The following TTLL9 variants were observed in gnomAD, a reference collection of about 807,000 sequenced individuals.
TTLL9 encodes tubulin tyrosine ligase like 9, also known as probable tubulin polyglutamylase TTLL9.
TTLL9 carries 47 observed loss-of-function variants against 65.6 expected under a neutral mutation model. The observed-to-expected ratio is 0.72, with a 90% CI of 0.57 to 0.91. The LOEUF is 0.91. Ranked by LOEUF, TTLL9 falls within the 40% of genes least tolerant of loss-of-function variation. The pLI is 0.00. For missense variants in TTLL9, 537 were observed against 568.8 expected (o/e 0.94, Z 0.57); for synonymous variants, 179 against 204.8 (o/e 0.87, Z 1.07).
chr20:31,883,738 A>G (rs894448129), intron 2 of TTLL9, among the ~76,000 whole-genome samples: 4 of 152,146 alleles, frequency 2.6e-5, no homozygotes, highest in Non-Finnish European at 4.4e-5. Context: ...TTAAAAAAAA[A>G]AGCCTGTTCA....
Position 31,925,512 on chromosome 20 carries a change from G to A in TTLL9, c.705+463G>A, listed in dbSNP as rs141475173. ...CAAATCCAGGCAGCCTGGCCTCAGAGCCTACTCTTTTAACCAGGGAGTGGC... is the reference window on the plus strand; with the variant it reads ...CAAATCCAGGCAGCCTGGCCTCAGAACCTACTCTTTTAACCAGGGAGTGGC... On this transcript the variant is annotated intron_variant, in intron 9 of 14. Coordinates refer to ENST00000535842, the MANE Select transcript of TTLL9 (RefSeq NM_001008409.5). Among the ~76,000 whole-genome samples the A allele has an allele frequency of 7.9e-5, 12 of 152,276 alleles. No homozygotes were observed. The East Asian group carries it at 2.3e-3, about 29-fold the overall frequency.
intron 4 of TTLL9, among the ~76,000 whole-genome samples, chr20:31,903,620 G>T (rs1364411639): frequency 6.6e-6 from 1 of 152,066 alleles, no homozygotes; most frequent in African/African-American, 2.4e-5. Context: ...CTTACATCTA[G>T]ATCTTCGATT....
rs538684344 is a variant in TTLL9, at chr20:31,920,910, A to G, written c.573+978A>G. ...CCCTTGTCTTTGAGTGAAGGGGACA[A>G]TAGGTGGGAGAGGTGTTTGCAACCT... On this transcript the variant is annotated intron_variant, in intron 7 of 14. Coordinates refer to ENST00000535842, the MANE Select transcript of TTLL9 (RefSeq NM_001008409.5). Among the ~76,000 whole-genome samples, 298 of 152,336 alleles carry G rather than the reference A, an allele frequency of 2.0e-3. 1 individual carries two copies. The highest frequency in any genetic ancestry group is 7.0e-3 in the African/African-American group (292 of 41,586).
intron 11 of TTLL9, 126 bp from the exon 12 acceptor site, chr20:31,934,566 G>T: frequency 2.3e-6 from 2 of 863,098 alleles, no homozygotes; most frequent in Non-Finnish European, 3.5e-6. Flanking sequence ...CTAATTACAG[G>T]GCTCAGGGCT....
At chr20:31,896,809 C>T (rs1399389514) in intron 3 of TTLL9, among the ~76,000 whole-genome samples, 1 of 152,178 alleles carries the variant, frequency 6.6e-6, no homozygotes, top group Non-Finnish European at 1.5e-5. Context: ...GGATTACAGG[C>T]GTGAGACACC....
intron 2 of TTLL9, among the ~76,000 whole-genome samples, chr20:31,884,649 G>A (rs2063163995): frequency 6.6e-6 from 1 of 152,170 alleles, no homozygotes; most frequent in Admixed American, 6.5e-5. Context: ...TCTAGTTTCT[G>A]GAGGCTGTCT....
At chr20:31,890,842 A>T (rs1479405693) in intron 3 of TTLL9, among the ~76,000 whole-genome samples, 2 of 152,212 alleles carry the variant, frequency 1.3e-5, no homozygotes, top group East Asian at 1.9e-4. Flanking sequence ...TCTGCTCCAC[A>T]TGCTGGCTGA....
chr20:31,942,946 C>T lies in TTLL9; in HGVS notation c.1245C>T (p.Gly415=), dbSNP rs762928127. ...GCCAACACCCCACTTCCTTTCCAGG[C>T]TGCGTCAACGATCGGAAGAAACAAC... ...MGNFVTNTHL[G]CVNDRKKQLR... The change falls in exon 15 of 15, where the codon GGC becomes GGT. Residue 415 remains glycine, a splice_region_variant and synonymous_variant. Transcript: ENST00000535842. The T allele has an allele frequency of 1.9e-6, 3 of 1,614,142 alleles. No homozygotes were observed. The South Asian group carries it at 3.3e-5, about 18-fold the overall frequency.
intron 4 of TTLL9, among the ~76,000 whole-genome samples, chr20:31,903,046 T>G (rs1216890476): frequency 6.6e-6 from 1 of 152,094 alleles, no homozygotes; most frequent in East Asian, 1.9e-4. Context: ...TTAAGTTTTT[T>G]TTTTGGAGAG....
At chr20:31,905,693 C>T (rs1258235323) in intron 4 of TTLL9, among the ~76,000 whole-genome samples, 1 of 152,116 alleles carries the variant, frequency 6.6e-6, no homozygotes, top group Non-Finnish European at 1.5e-5. Flanking sequence ...TCAGGAGAAA[C>T]ACCAACCCAG....
chr20:31,900,406 T>C (rs2063461036), intron 4 of TTLL9, among the ~76,000 whole-genome samples: 1 of 152,202 alleles, frequency 6.6e-6, no homozygotes, highest in South Asian at 2.1e-4. Context: ...GAGTCTGCTG[T>C]CTGCAGAGCC....
At chr20:31,928,079 T>C (rs1346529967) in intron 10 of TTLL9, among the ~76,000 whole-genome samples, 3 of 151,380 alleles carry the variant, frequency 2.0e-5, no homozygotes, top group Non-Finnish European at 2.9e-5. Context: ...AGTTAAATAA[T>C]ACATGTAAAG....
At chr20:31,936,959 G>C (rs984923421) in intron 12 of TTLL9, among the ~76,000 whole-genome samples, 3 of 152,020 alleles carry the variant, frequency 2.0e-5, no homozygotes, top group Admixed American at 6.6e-5. Flanking sequence ...TTGGCTGGGC[G>C]TGGTGGCAGG....
chr20:31,900,063 T>C (rs1171972126), intron 4 of TTLL9, among the ~76,000 whole-genome samples: 1 of 152,180 alleles, frequency 6.6e-6, no homozygotes, highest in Non-Finnish European at 1.5e-5. Flanking sequence ...CCTGGCCGAA[T>C]CTGGAAAATG....
intron 3 of TTLL9, among the ~76,000 whole-genome samples, chr20:31,891,889 G>A (rs1167736011): frequency 7.9e-5 from 12 of 151,898 alleles, no homozygotes; most frequent in Admixed American, 7.9e-4. Context: ...TGCAATCTCC[G>A]TCTCTGGGGT....
rs144392777 is a variant in TTLL9, at chr20:31,915,358, T to C, written c.505-4506T>C. ...TTGGCAGAGCGTGGTGGCAGGCACC[T>C]GTAGTCTCAGCTACTTGGGAGGCTG... On this transcript the variant is annotated intron_variant, in intron 6 of 14. Transcript: ENST00000535842. Among the ~76,000 whole-genome samples, 638 of 152,240 alleles carry C rather than the reference T, an allele frequency of 4.2e-3. 6 individuals are homozygous for C. The highest frequency in any genetic ancestry group is 0.015 in the African/African-American group (603 of 41,516).
chr20:31,932,072 C>T (rs1311671418), intron 10 of TTLL9, among the ~76,000 whole-genome samples: 1 of 152,182 alleles, frequency 6.6e-6, no homozygotes, highest in Non-Finnish European at 1.5e-5. Flanking sequence ...GGTGCAGTGG[C>T]TTATGCCTGT....
intron 2 of TTLL9, among the ~76,000 whole-genome samples, chr20:31,874,409 CTT>C (rs34362219): frequency 1.3e-4 from 16 of 122,988 alleles, no homozygotes; most frequent in Admixed American, 1.7e-4. Context: ...ATTAGCTGAT[CTT>C]TTTTTTTTTT....
rs554043203 is a variant in TTLL9, at chr20:31,889,995, T to C, written c.113+2756T>C. On this transcript the variant is annotated intron_variant, in intron 3 of 14. Coordinates refer to ENST00000535842, the MANE Select transcript of TTLL9 (RefSeq NM_001008409.5). ...CTCTCTTTCTTTCTTTCTTTCTTTCTTTCTTTCTTTCTTTCTTTCTTTCTT... is the reference window on the plus strand; with the variant it reads ...CTCTCTTTCTTTCTTTCTTTCTTTCCTTCTTTCTTTCTTTCTTTCTTTCTT... Among the ~76,000 whole-genome samples, 326 of 136,856 alleles carry C rather than the reference T, an allele frequency of 2.4e-3. 17 individuals carry two copies. Among genetic ancestry groups the C allele is most frequent in the African/African-American group, 9.3e-3 (306 of 33,034 alleles). 89.8% of individuals were successfully genotyped at this position (136,856 alleles called of 152,430 possible).
Sources: gnomAD v4.1 joint callset for allele counts (sites outside exome capture counted in the v4.1 genomes callset) on GRCh38, gnomAD v4.1.1 for gene constraint, MANE v1.5 for transcripts, NCBI Gene and HGNC (gene_info 2026-07-23, HGNC 2026-07-21) for gene names.